Variants in CACNA1A observed in about 807,000 individuals in gnomAD.
CACNA1A encodes calcium voltage-gated channel subunit alpha1 A.
Under a neutral mutation model 262.4 loss-of-function variants are expected in CACNA1A, and 57 were observed. The ratio of observed to expected loss-of-function variants is 0.22; its 90% confidence interval spans 0.18 to 0.27. The LOEUF (loss-of-function observed/expected upper bound fraction) is 0.27. Among genes scored for constraint, CACNA1A ranks in the 10% least tolerant of loss-of-function variants. The pLI, the probability that CACNA1A is intolerant of heterozygous loss-of-function variation, is 1.00. For synonymous variants in CACNA1A, 1,431 were observed against 1,419.3 expected, an observed-to-expected ratio of 1.01 and a Z score of -0.18; for missense variants, 2,526 against 3,562.8, an observed-to-expected ratio of 0.71 and a Z score of 7.41.
chr19:13,455,702 G>A (rs187120093), intron 1 of CACNA1A, among the ~76,000 whole-genome samples: 18 of 152,114 alleles, frequency 1.2e-4, no homozygotes, highest in African/African-American at 4.1e-4. Context: ...GGTCAGGGCT[G>A]CAATTTCAAA....
At chr19:13,415,512 G>T (rs1173818061) in intron 3 of CACNA1A, among the ~76,000 whole-genome samples, 1 of 151,664 alleles carries the variant, frequency 6.6e-6, no homozygotes, top group African/African-American at 2.4e-5. Flanking sequence ...AGGCCGAGGC[G>T]GGAGGATCAC....
At chr19:13,448,972 A>G (rs1319880956) in intron 3 of CACNA1A, among the ~76,000 whole-genome samples, 2 of 150,310 alleles carry the variant, frequency 1.3e-5, no homozygotes, top group Non-Finnish European at 3.0e-5. Flanking sequence ...TTTTTATTTT[A>G]TTTTATTTTT....
Position 13,212,118 on chromosome 19 carries a change from G to A in CACNA1A, c.6288C>T (p.Leu2096=). The A allele has an allele frequency of 3.7e-6, 6 of 1,611,588 alleles. No individual in the cohort carries two copies. The highest frequency in any genetic ancestry group is 5.1e-6 in the Non-Finnish European group (6 of 1,178,174). Residue 2096 remains leucine (L), a synonymous_variant, in exon 43 of 47, where the codon CTC becomes CTT. Transcript: ENST00000360228. This position sits in a 1 kb window ranked among gnomAD's most constrained non-coding sequence, Gnocchi z 5.6. Reference sequence around the variant, plus strand: ...AAGCCCTCACCTGGTTCTCTGCAGGGAGGCGGGGCATGGAGGCAGCCCGGC... The same window carrying A: ...AAGCCCTCACCTGGTTCTCTGCAGGAAGGCGGGGCATGGAGGCAGCCCGGC... ...GQGRAASMPR[L]PAENQRRRGR...
chr19:13,404,822 G>A (rs1384966604), intron 3 of CACNA1A, among the ~76,000 whole-genome samples: 1 of 152,160 alleles, frequency 6.6e-6, no homozygotes, highest in African/African-American at 2.4e-5. Flanking sequence ...GTTATTCCAA[G>A]AAAACAGGCA....
chr19:13,394,398 G>A (rs199837594), intron 3 of CACNA1A, among the ~76,000 whole-genome samples: 2 of 104,706 alleles, frequency 1.9e-5, no homozygotes, highest in African/African-American at 1.2e-4. Flanking sequence ...TGATGATCCC[G>A]CCATACAATT....
chr19:13,214,616 G>A lies in CACNA1A; in HGVS notation c.5732-8C>T, dbSNP rs1057521521. The A allele has an allele frequency of 3.5e-5, 56 of 1,609,314 alleles. No homozygotes were observed. The highest frequency in any genetic ancestry group is 4.6e-5 in the Non-Finnish European group (54 of 1,176,540). On this transcript the variant is annotated splice_region_variant and splice_polypyrimidine_tract_variant and intron_variant, in intron 38 of 46. Transcript: ENST00000360228. This position sits in a 1 kb window ranked among gnomAD's most constrained non-coding sequence, Gnocchi z 4.1. ...GCTGTTTGTCGGCTCCTCCTGCAAT[G>A]GGGGTGTAGACAGACCCTGACTGCC...
At chr19:13,255,778 T>TCTCTCCC (rs2056545781) in intron 28 of CACNA1A, among the ~76,000 whole-genome samples, 1 of 99,710 alleles carries the variant, frequency 1.0e-5, no homozygotes. Context: ...CCTCCCTCCT[T>TCTCTCCC]TCCTTCCTTC....
intron 22 of CACNA1A, among the ~76,000 whole-genome samples, chr19:13,281,103 A>G (rs2144859344): frequency 6.6e-6 from 1 of 152,224 alleles, no homozygotes; most frequent in Admixed American, 6.5e-5. Flanking sequence ...CAGGCATGTA[A>G]GAATTGGAAT....
At chr19:13,254,888 G>A (rs1184841880) in intron 29 of CACNA1A, among the ~76,000 whole-genome samples, 1 of 152,106 alleles carries the variant, frequency 6.6e-6, no homozygotes, top group Non-Finnish European at 1.5e-5. Context: ...TGGAGGAAGA[G>A]GTCTGCAGGT....
At chr19:13,409,907 T>A (rs148846028) in intron 3 of CACNA1A, among the ~76,000 whole-genome samples, 1 of 152,290 alleles carries the variant, frequency 6.6e-6, no homozygotes, top group African/African-American at 2.4e-5. Context: ...AACTTGTTGT[T>A]TGCAGTAAAC....
chr19:13,264,048 T>G (rs556838978), intron 24 of CACNA1A, among the ~76,000 whole-genome samples: 45 of 152,310 alleles, frequency 3.0e-4, no homozygotes, highest in African/African-American at 1.1e-3. Flanking sequence ...CAAGGGTCTC[T>G]GAGCCCATCT....
rs566346457 is a variant in CACNA1A at position 13,210,483 on chromosome 19, A to G, written c.6339+134T>C. The stretch of plus-strand genomic sequence containing the variant: ...CACACACAAGGATTGGGCTCCATGG[A>G]GGGGAGAGGGTGCGATTGCCAAAGA... On this transcript the variant is annotated intron_variant, in intron 44 of 46. Transcript: ENST00000360228. 11 of 699,042 alleles carry G rather than the reference A, an allele frequency of 1.6e-5. No individual in the cohort carries two copies. In the Admixed American group the frequency reaches 2.5e-4, roughly 16 times the overall value. The allele number at this position is 699,042 out of a possible 1,614,324, so 43.3% of individuals were successfully genotyped here. A position where few individuals can be genotyped will look rare whatever the true frequency, so the allele number is the denominator to read the frequency against.
chr19:13,446,739 G>A (rs1219303090), intron 3 of CACNA1A, among the ~76,000 whole-genome samples: 1 of 150,034 alleles, frequency 6.7e-6, no homozygotes, highest in Non-Finnish European at 1.5e-5. Flanking sequence ...TTACAGGTAT[G>A]AGCCACAGAG....
At chr19:13,488,131 G>A (rs937948962) in intron 1 of CACNA1A, among the ~76,000 whole-genome samples, 1 of 152,102 alleles carries the variant, frequency 6.6e-6, no homozygotes, top group Non-Finnish European at 1.5e-5. Context: ...GCCCTGGGAG[G>A]GAGGTGCCAG....
chr19:13,361,590 C>A (rs2059112279), intron 5 of CACNA1A, among the ~76,000 whole-genome samples: 1 of 152,198 alleles, frequency 6.6e-6, no homozygotes. Context: ...AGCACCAATT[C>A]TCTGCTCCCT....
At chr19:13,253,608 G>A (rs924253649) in intron 29 of CACNA1A, among the ~76,000 whole-genome samples, 3 of 151,862 alleles carry the variant, frequency 2.0e-5, no homozygotes, top group African/African-American at 7.3e-5. Flanking sequence ...ACCATGCCCA[G>A]CTAACTTTTT....
intron 6 of CACNA1A, among the ~76,000 whole-genome samples, chr19:13,341,555 C>T (rs2058676190): frequency 6.6e-6 from 1 of 152,188 alleles, no homozygotes; most frequent in Non-Finnish European, 1.5e-5. Context: ...CACCTGGCTT[C>T]CTTGCAGTTT....
intron 6 of CACNA1A, among the ~76,000 whole-genome samples, chr19:13,336,599 GAGAGAGAGAGA>G (rs1568547453): frequency 0.013 from 1,576 of 121,648 alleles, 26 homozygotes; most frequent in African/African-American, 0.05. Flanking sequence ...GAGAGGGAGA[GAGAGAGAGAGA>G]GAGAGAGAGA....
At position 13,341,929 on chromosome 19, in the gene CACNA1A, C is replaced by T. The variant is rs568972096; in HGVS notation, c.979-6020G>A. Among the ~76,000 whole-genome samples the T allele has an allele frequency of 4.6e-5, 7 of 152,226 alleles. No individual in the cohort carries two copies. In the South Asian group the frequency reaches 1.2e-3, roughly 27 times the overall value. On this transcript the variant is annotated intron_variant, in intron 6 of 46. Coordinates refer to ENST00000360228, the MANE Select transcript of CACNA1A (RefSeq NM_001127222.2). ...CCTAGGACAACATCTGGCACACAGTCGGTGCTCAATAAGTGGTGTCTGTTG... is the reference window on the plus strand; with the variant it reads ...CCTAGGACAACATCTGGCACACAGTTGGTGCTCAATAAGTGGTGTCTGTTG...
Sources: gnomAD v4.1 joint callset for allele counts (sites outside exome capture counted in the v4.1 genomes callset) on GRCh38, gnomAD v4.1.1 for gene constraint, Gnocchi (gnomAD v3.1) non-coding constraint, MANE v1.5 for transcripts, NCBI Gene and HGNC (gene_info 2026-07-23, HGNC 2026-07-21) for gene names.